BLNK: variants seen among roughly 807,000 people sequenced by gnomAD.
BLNK encodes B cell linker.
Under a neutral mutation model 73.5 loss-of-function variants are expected in BLNK, and 29 were observed. The ratio of observed to expected loss-of-function variants is 0.39; its 90% CI spans 0.29 to 0.54. BLNK has a LOEUF of 0.54. Ranked by LOEUF, BLNK falls within the 20% of genes least tolerant of loss-of-function variation. The probability of loss-of-function intolerance (pLI) is 0.61; values close to 1 mark genes in which losing one functional copy is unlikely to be tolerated. For missense variants in BLNK, 460 were observed against 562.8 expected, an observed-to-expected ratio of 0.82 and a Z score of 1.85; for synonymous variants, 176 against 200.8, an observed-to-expected ratio of 0.88 and a Z score of 1.04.
intron 15 of BLNK, among the ~76,000 whole-genome samples, chr10:96,199,738 G>A (rs587602166): frequency 1.3e-5 from 2 of 152,310 alleles, no homozygotes; most frequent in South Asian, 4.1e-4. Context: ...ATCAGACCTT[G>A]GCCGGGCGCG....
chr10:96,257,523 A>T (rs1269035506), intron 1 of BLNK, among the ~76,000 whole-genome samples: 1 of 152,258 alleles, frequency 6.6e-6, no homozygotes, highest in Admixed American at 6.5e-5. Flanking sequence ...TGTTGGCCAT[A>T]CTGGGGCCTG....
intron 9 of BLNK, among the ~76,000 whole-genome samples, chr10:96,208,195 G>A (rs2083867131): frequency 6.6e-6 from 1 of 152,200 alleles, no homozygotes; most frequent in South Asian, 2.1e-4. Context: ...GTGACCTTGG[G>A]CCTCTTTGTC....
In BLNK at chr10:96,248,601, G is replaced by T. The variant is rs182116588; in HGVS notation, c.48-1552C>A. 7.2e-5 allele frequency among the ~76,000 whole-genome samples: 11 copies of T among 152,288 alleles called. No individual in the cohort carries two copies. The East Asian group carries it at 2.1e-3, about 29-fold the overall frequency. On this transcript the variant is annotated intron_variant, in intron 1 of 16. Transcript: ENST00000224337. ...GCTAAGAATTTGTCTTATGAAAATG[G>T]TCACAAAATGATATCAGTATATACA...
chr10:96,266,004 G>A (rs1481203817), intron 1 of BLNK, among the ~76,000 whole-genome samples: 2 of 152,250 alleles, frequency 1.3e-5, no homozygotes, highest in Non-Finnish European at 2.9e-5. Context: ...CTTGCGGGAG[G>A]CTGGGGAAGG....
intron 5 of BLNK, among the ~76,000 whole-genome samples, chr10:96,226,751 G>T (rs1374483204): frequency 2.6e-5 from 4 of 152,098 alleles, no homozygotes; most frequent in Admixed American, 6.5e-5. Context: ...TGAGGCAGGA[G>T]GCTGGACCCA....
chr10:96,212,704 G>A (rs587729921), intron 8 of BLNK, among the ~76,000 whole-genome samples: 14 of 152,326 alleles, frequency 9.2e-5, no homozygotes, highest in African/African-American at 3.1e-4. Context: ...ATGTGGTGTG[G>A]TGCTTTGACA....
intron 1 of BLNK, among the ~76,000 whole-genome samples, chr10:96,261,303 T>C (rs1417828285): frequency 1.3e-5 from 2 of 152,198 alleles, no homozygotes; most frequent in Non-Finnish European, 2.9e-5. Flanking sequence ...ATTGTACAAC[T>C]CAGTGGCATT....
intron 3 of BLNK, among the ~76,000 whole-genome samples, chr10:96,236,917 G>A (rs1387700800): frequency 1.3e-5 from 2 of 152,124 alleles, no homozygotes; most frequent in Non-Finnish European, 2.9e-5. Flanking sequence ...CAGAGGGGTG[G>A]GGGTACAGCA....
chr10:96,197,940 A>G (rs1554895126), intron 15 of BLNK, among the ~76,000 whole-genome samples: 1 of 151,192 alleles, frequency 6.6e-6, no homozygotes, highest in Non-Finnish European at 1.5e-5. Flanking sequence ...AAAAAGAAAA[A>G]GAAAAAAAAA....
intron 5 of BLNK, among the ~76,000 whole-genome samples, chr10:96,225,378 C>T (rs1158597125): frequency 6.6e-6 from 1 of 152,190 alleles, no homozygotes; most frequent in Non-Finnish European, 1.5e-5. Flanking sequence ...CTCTATGCTC[C>T]TGGTGCCTGC....
At chr10:96,248,128 T>C (rs1814584889) in intron 1 of BLNK, among the ~76,000 whole-genome samples, 1 of 152,184 alleles carries the variant, frequency 6.6e-6, no homozygotes, top group Non-Finnish European at 1.5e-5. Flanking sequence ...AATCAAAAGA[T>C]AAATGACATG....
rs756045179 is a variant in BLNK, at chr10:96,200,284, G to A, written c.1012-126C>T. ...TCTACATTTACACCAATAATTTTAAGATGAGTTTTATTTTTCCTTTGATCA... is the reference window on the plus strand; with the variant it reads ...TCTACATTTACACCAATAATTTTAAAATGAGTTTTATTTTTCCTTTGATCA... On this transcript the variant is annotated intron_variant, in intron 14 of 16. Transcript: ENST00000224337. This position sits in a 1 kb window ranked among gnomAD's most constrained non-coding sequence, Gnocchi z 4.3. 1 of 652,706 alleles carries A rather than the reference G, an allele frequency of 1.5e-6. No individual in the cohort carries two copies. Among genetic ancestry groups the A allele is most frequent in the Admixed American group, 2.6e-5 (1 of 38,138 alleles). The allele number at this position is 652,706 out of a possible 1,614,324, so 40.4% of individuals were successfully genotyped here. A position where few individuals can be genotyped will look rare whatever the true frequency, so the allele number is the denominator to read the frequency against.
intron 6 of BLNK, among the ~76,000 whole-genome samples, chr10:96,220,708 G>A (rs1554900943): frequency 6.6e-6 from 1 of 151,900 alleles, no homozygotes; most frequent in African/African-American, 2.4e-5. Flanking sequence ...TTGAAGCCAG[G>A]TAGATTATTA....
chr10:96,258,852 T>G (rs572780155), intron 1 of BLNK, among the ~76,000 whole-genome samples: 2 of 152,332 alleles, frequency 1.3e-5, no homozygotes, highest in African/African-American at 4.8e-5. Flanking sequence ...ATCCCCATGT[T>G]TATATTATGA....
intron 13 of BLNK, among the ~76,000 whole-genome samples, chr10:96,201,277 A>G (rs1334147081): frequency 6.6e-6 from 1 of 152,202 alleles, no homozygotes; most frequent in African/African-American, 2.4e-5. Flanking sequence ...ACCTATCACT[A>G]TGAAACCCAA....
At chr10:96,197,475 C>A (rs956981713) in intron 15 of BLNK, among the ~76,000 whole-genome samples, 1 of 152,026 alleles carries the variant, frequency 6.6e-6, no homozygotes, top group Non-Finnish European at 1.5e-5. Flanking sequence ...CAGCTAAATG[C>A]TAGCTTTTTA....
At chr10:96,235,772 A>G (rs1210112932) in intron 3 of BLNK, among the ~76,000 whole-genome samples, 1 of 152,112 alleles carries the variant, frequency 6.6e-6, no homozygotes, top group African/African-American at 2.4e-5. Context: ...GTCTTCCTCC[A>G]TCATCTGAGA....
At chr10:96,209,779 G>A in intron 9 of BLNK, 59 bp downstream of exon 9, 1 of 1,582,582 alleles carries the variant, frequency 6.3e-7, no homozygotes, top group Non-Finnish European at 8.7e-7. Context: ...CAGGGCAGTG[G>A]GGTATCACCA....
chr10:96,253,380 C>G (rs1843368324), intron 1 of BLNK, among the ~76,000 whole-genome samples: 1 of 152,090 alleles, frequency 6.6e-6, no homozygotes, highest in Non-Finnish European at 1.5e-5. Context: ...AATCTGAGAC[C>G]AGGAGAAGCA....
Sources: allele counts gnomAD v4.1 joint callset (sites outside exome capture counted in the v4.1 genomes callset), GRCh38; gene constraint gnomAD v4.1.1; non-coding constraint Gnocchi (gnomAD v3.1); transcripts MANE v1.5; gene names NCBI Gene and HGNC (gene_info 2026-07-23, HGNC 2026-07-21).